BCAS3: variants seen among roughly 807,000 people sequenced by gnomAD.
BCAS3 encodes BCAS4/BCAS3 fusion.
A neutral mutation model predicts 116.1 loss-of-function variants in BCAS3; 53 were observed. The ratio of observed to expected loss-of-function variants is 0.46; its 90% confidence interval spans 0.37 to 0.57. The LOEUF is 0.57. Ranked by LOEUF, BCAS3 falls within the 20% of genes least tolerant of loss-of-function variation. The probability of loss-of-function intolerance (pLI) is 0.00; values close to 1 mark genes in which losing one functional copy is unlikely to be tolerated. For missense variants in BCAS3, 917 were observed against 1,165.4 expected, an observed-to-expected ratio of 0.79 and a Z score of 3.10; for synonymous variants, 391 against 408.2, an observed-to-expected ratio of 0.96 and a Z score of 0.51.
chr17:60,832,433 TA>T (rs976135791), intron 7 of BCAS3, among the ~76,000 whole-genome samples: 1 of 152,084 alleles, frequency 6.6e-6, no homozygotes, highest in African/African-American at 2.4e-5. Context: ...TGACAGGATT[TA>T]AAAAAAATTT....
intron 14 of BCAS3, among the ~76,000 whole-genome samples, chr17:60,988,722 T>C (rs1245256562): frequency 6.6e-6 from 1 of 151,916 alleles, no homozygotes; most frequent in South Asian, 2.1e-4. Context: ...TTTGAATTTC[T>C]GTAGTATCAG....
intron 7 of BCAS3, among the ~76,000 whole-genome samples, chr17:60,840,754 T>A (rs190655473): frequency 8.0e-4 from 122 of 152,356 alleles, no homozygotes; most frequent in African/African-American, 2.3e-3. Flanking sequence ...AGAATTCTCA[T>A]GATTACTTAA....
chr17:60,729,134 C>T (rs142837007), intron 5 of BCAS3, among the ~76,000 whole-genome samples: 205 of 152,198 alleles, frequency 1.3e-3, no homozygotes, highest in African/African-American at 4.5e-3. Flanking sequence ...TTAGATTCGT[C>T]TGTGTTGTTG....
intron 22 of BCAS3, among the ~76,000 whole-genome samples, chr17:61,272,323 TGTGA>T (rs1157964082): frequency 1.3e-5 from 2 of 152,064 alleles, no homozygotes; most frequent in Non-Finnish European, 2.9e-5. Flanking sequence ...TTATGGTGTT[TGTGA>T]GTGTTTAAAA....
At chr17:60,893,233 A>C (rs1466866444) in intron 10 of BCAS3, among the ~76,000 whole-genome samples, 1 of 151,944 alleles carries the variant, frequency 6.6e-6, no homozygotes, top group Non-Finnish European at 1.5e-5. Context: ...CTGTGCAGGA[A>C]CTTTTTAGTT....
intron 5 of BCAS3, among the ~76,000 whole-genome samples, chr17:60,725,098 C>T (rs2039685170): frequency 6.6e-6 from 1 of 152,162 alleles, no homozygotes; most frequent in Non-Finnish European, 1.5e-5. Flanking sequence ...CAAAGCAGTC[C>T]ATCTGCCTAA....
Position 61,380,657 on chromosome 17 carries a change from C to T in BCAS3, c.2594-11320C>T, listed in dbSNP as rs568642228. On this transcript the variant is annotated intron_variant, in intron 23 of 23. Transcript: ENST00000407086. This position sits in a 1 kb window ranked among gnomAD's most constrained non-coding sequence, Gnocchi z 4.2. ...TCAAGAGGGTGCCCTCCTACCCCCTCGTGCCCAGGCCCAGGAGCACTCTAG... is the reference window on the plus strand; with the variant it reads ...TCAAGAGGGTGCCCTCCTACCCCCTTGTGCCCAGGCCCAGGAGCACTCTAG... The T allele has an allele frequency of 1.0e-5, 13 of 1,299,496 alleles. No individual in the cohort carries two copies. The highest frequency in any genetic ancestry group is 1.5e-5 in the African/African-American group (1 of 68,460). 80.5% of individuals were successfully genotyped at this position (1,299,496 alleles called of 1,614,324 possible). A position where few individuals can be genotyped will look rare whatever the true frequency, so the allele number is the denominator to read the frequency against.
chr17:60,738,246 A>G (rs948918430), intron 5 of BCAS3, among the ~76,000 whole-genome samples: 1 of 152,192 alleles, frequency 6.6e-6, no homozygotes, highest in African/African-American at 2.4e-5. Flanking sequence ...GTTGAGTTCA[A>G]CTATGTCCTT....
At chr17:60,969,878 C>T (rs2061859265) in intron 14 of BCAS3, among the ~76,000 whole-genome samples, 1 of 152,180 alleles carries the variant, frequency 6.6e-6, no homozygotes, top group African/African-American at 2.4e-5. Context: ...AGTGGAATAA[C>T]ATGTCTGAAG....
chr17:60,681,879 G>A lies in BCAS3; in HGVS notation c.84-2103G>A, dbSNP rs146210025. ...CGATTAGCTGGGATTACAGGCATGC[G>A]CCACCATGCCTGGCTAATTTTGTAT... is the stretch of plus-strand genomic sequence containing the variant. On this transcript the variant is annotated intron_variant, in intron 2 of 23. Coordinates refer to ENST00000407086, the MANE Select transcript of BCAS3 (RefSeq NM_017679.5). 1.2e-4 allele frequency among the ~76,000 whole-genome samples: 19 copies of A among 152,110 alleles called. No individual in the cohort carries two copies. The East Asian group carries it at 3.3e-3, about 26-fold the overall frequency.
chr17:61,162,406 A>C lies in BCAS3; in HGVS notation c.2425+77842A>C, dbSNP rs1189772290. ...CCCAACAGAAGGTTGTTTCATATGC[A>C]TTTGCCTCTACAAGAATATTCTCAC... On this transcript the variant is annotated intron_variant, in intron 22 of 23. Coordinates refer to ENST00000407086, the MANE Select transcript of BCAS3 (RefSeq NM_017679.5). This position sits in a 1 kb window ranked among gnomAD's most constrained non-coding sequence, Gnocchi z 5.6. Among the ~76,000 whole-genome samples, 1 of 152,160 alleles carries C rather than the reference A, an allele frequency of 6.6e-6. No homozygotes were observed. Among genetic ancestry groups the C allele is most frequent in the Non-Finnish European group, 1.5e-5 (1 of 68,026 alleles).
intron 7 of BCAS3, among the ~76,000 whole-genome samples, chr17:60,863,592 T>C (rs1234980064): frequency 6.6e-6 from 1 of 151,638 alleles, no homozygotes; most frequent in Non-Finnish European, 1.5e-5. Context: ...AAAAATAAAA[T>C]AAAATAAAAA....
chr17:61,115,087 A>G (rs1193796683), intron 22 of BCAS3, among the ~76,000 whole-genome samples: 2 of 150,140 alleles, frequency 1.3e-5, no homozygotes, highest in African/African-American at 2.4e-5. Flanking sequence ...ACAAAAATCA[A>G]TTCAAGATGG....
At chr17:61,330,235 C>T (rs1568867740) in intron 22 of BCAS3, among the ~76,000 whole-genome samples, 1 of 147,674 alleles carries the variant, frequency 6.8e-6, no homozygotes, top group African/African-American at 2.5e-5. Context: ...CTTCTCTCCC[C>T]TCCCTCCCTC....
intron 12 of BCAS3, among the ~76,000 whole-genome samples, chr17:60,919,672 G>T (rs1368716058): frequency 3.3e-5 from 5 of 150,162 alleles, no homozygotes; most frequent in African/African-American, 9.8e-5. Context: ...TTTTTCCTGT[G>T]TGTTTTTTTT....
At chr17:61,353,263 T>C (rs772254437) in intron 22 of BCAS3, among the ~76,000 whole-genome samples, 1 of 152,062 alleles carries the variant, frequency 6.6e-6, no homozygotes, top group Non-Finnish European at 1.5e-5. Flanking sequence ...AGCCAAAAAA[T>C]GCTTTTGGGG....
rs968965758 is a variant in BCAS3, at chr17:61,337,605, C to G, written c.2426-30722C>G. On this transcript the variant is annotated intron_variant, in intron 22 of 23. Transcript: ENST00000407086. This position sits in a 1 kb window ranked among gnomAD's most constrained non-coding sequence, Gnocchi z 4.8. ...ATGTGAACAGCCTCTGCGTCTGTTA[C>G]TCTCCGAAGAAAATTACAGTTTCTA... Among the ~76,000 whole-genome samples the G allele has an allele frequency of 1.3e-5, 2 of 152,192 alleles. No homozygotes were observed. The highest frequency in any genetic ancestry group is 6.5e-5 in the Admixed American group (1 of 15,280).
At position 61,300,363 on chromosome 17, in the gene BCAS3, T is replaced by C. The variant is rs917062662; in HGVS notation, c.2426-67964T>C. ...TTAACTCCTCGCCTGCCCCTTCAACTTCAGTTTTCTAAAGAGAAAACTTGC... is the reference window on the plus strand; with the variant it reads ...TTAACTCCTCGCCTGCCCCTTCAACCTCAGTTTTCTAAAGAGAAAACTTGC... On this transcript the variant is annotated intron_variant, in intron 22 of 23. Coordinates refer to ENST00000407086, the MANE Select transcript of BCAS3 (RefSeq NM_017679.5). The surrounding 1 kb of genome is among the most constrained non-coding windows in gnomAD (Gnocchi z 5.1). Among the ~76,000 whole-genome samples, 2 of 152,030 alleles carry C rather than the reference T, an allele frequency of 1.3e-5. No homozygotes were observed. Among genetic ancestry groups the C allele is most frequent in the Non-Finnish European group, 2.9e-5 (2 of 68,004 alleles).
chr17:61,308,982 C>G (rs534600409), intron 22 of BCAS3, among the ~76,000 whole-genome samples: 5 of 152,262 alleles, frequency 3.3e-5, no homozygotes, highest in Admixed American at 1.3e-4. Context: ...ATATGTGTCT[C>G]CTCTCTCCAG....
Sources: allele counts gnomAD v4.1 joint callset (sites outside exome capture counted in the v4.1 genomes callset), GRCh38; gene constraint gnomAD v4.1.1; non-coding constraint Gnocchi (gnomAD v3.1); transcripts MANE v1.5; gene names NCBI Gene and HGNC (gene_info 2026-07-23, HGNC 2026-07-21).